GAREM1: variants seen among roughly 807,000 people sequenced by gnomAD.
GAREM1 encodes the protein GRB2 associated regulator of MAPK1 subtype 1.
GAREM1 carries 26 observed loss-of-function variants against 71.3 expected under a neutral mutation model. The ratio of observed to expected loss-of-function variants is 0.36; its 90% CI spans 0.27 to 0.51. The LOEUF is 0.51. GAREM1 is among the 20% of genes least tolerant of loss of function. GAREM1 has a pLI of 0.95. For synonymous variants in GAREM1, 440 were observed against 433.2 expected, an observed-to-expected ratio of 1.02 and a Z score of -0.20; for missense variants, 1,026 against 1,103.1, an observed-to-expected ratio of 0.93 and a Z score of 0.99.
intron 3 of GAREM1, among the ~76,000 whole-genome samples, chr18:32,291,650 C>T (rs2047088511): frequency 1.3e-5 from 2 of 151,990 alleles, no homozygotes; most frequent in South Asian, 4.2e-4. Flanking sequence ...CCCTTAGCCC[C>T]CCACCCCCCA....
intron 1 of GAREM1, among the ~76,000 whole-genome samples, chr18:32,464,635 C>A (rs1356833524): frequency 6.6e-6 from 1 of 152,150 alleles, no homozygotes; most frequent in Non-Finnish European, 1.5e-5. Context: ...GATCAATAAC[C>A]TGGAATACTC....
At chr18:32,286,743 C>T (rs555897643) in intron 4 of GAREM1, among the ~76,000 whole-genome samples, 1 of 152,288 alleles carries the variant, frequency 6.6e-6, no homozygotes, top group African/African-American at 2.4e-5. Context: ...CTCTGCTTCC[C>T]ACCTTCTACT....
chr18:32,465,387 TC>T (rs1428105012), intron 1 of GAREM1, among the ~76,000 whole-genome samples: 8 of 152,264 alleles, frequency 5.3e-5, no homozygotes, highest in African/African-American at 1.9e-4. Flanking sequence ...GGCCTAAGTG[TC>T]CATGTTTTTG....
intron 4 of GAREM1, among the ~76,000 whole-genome samples, chr18:32,274,980 A>G (rs1026448731): frequency 6.6e-6 from 1 of 152,134 alleles, no homozygotes; most frequent in African/African-American, 2.4e-5. Flanking sequence ...AAGGCACTTA[A>G]AAAAACCCAT....
intron 2 of GAREM1, among the ~76,000 whole-genome samples, chr18:32,372,979 T>G (rs570322907): frequency 6.6e-6 from 1 of 152,306 alleles, no homozygotes; most frequent in South Asian, 2.1e-4. Context: ...CTCTCACTGC[T>G]TAAGCTAATT....
chr18:32,362,763 C>T (rs921330048), intron 2 of GAREM1, among the ~76,000 whole-genome samples: 5 of 152,108 alleles, frequency 3.3e-5, no homozygotes, highest in Admixed American at 2.6e-4. Flanking sequence ...CATAACAAGA[C>T]GTGGATACTA....
chr18:32,343,017 A>G (rs2144578303), intron 2 of GAREM1, among the ~76,000 whole-genome samples: 1 of 152,346 alleles, frequency 6.6e-6, no homozygotes, highest in East Asian at 1.9e-4. Flanking sequence ...CATGTCTGAC[A>G]GTCAGTCTCC....
At chr18:32,283,928 A>C (rs1355037358) in intron 4 of GAREM1, among the ~76,000 whole-genome samples, 1 of 152,178 alleles carries the variant, frequency 6.6e-6, no homozygotes, top group Non-Finnish European at 1.5e-5. Flanking sequence ...GCTAATATCT[A>C]GCTGGTGAAC....
intron 1 of GAREM1, among the ~76,000 whole-genome samples, chr18:32,463,789 T>C (rs1306602362): frequency 6.6e-6 from 1 of 151,810 alleles, no homozygotes; most frequent in African/African-American, 2.4e-5. Context: ...CTGGATGATC[T>C]TGATCTCCTG....
At chr18:32,461,034 A>G (rs2048950327) in intron 1 of GAREM1, among the ~76,000 whole-genome samples, 1 of 152,210 alleles carries the variant, frequency 6.6e-6, no homozygotes, top group African/African-American at 2.4e-5. Context: ...AAATCATGAT[A>G]GTCTCTGTTT....
chr18:32,345,174 T>C (rs1164223567), intron 2 of GAREM1, among the ~76,000 whole-genome samples: 1 of 152,150 alleles, frequency 6.6e-6, no homozygotes, highest in Non-Finnish European at 1.5e-5. Context: ...AATACAGGCA[T>C]AGTACAGTTA....
chr18:32,275,486 G>A (rs1224709769), intron 4 of GAREM1, among the ~76,000 whole-genome samples: 2 of 152,164 alleles, frequency 1.3e-5, no homozygotes, highest in African/African-American at 4.8e-5. Context: ...TTAATTTCAG[G>A]TTATGAGTAC....
At chr18:32,323,078 C>A (rs1031492866) in intron 2 of GAREM1, among the ~76,000 whole-genome samples, 1 of 152,168 alleles carries the variant, frequency 6.6e-6, no homozygotes, top group South Asian at 2.1e-4. Context: ...AAATGATGAC[C>A]TCATAGCTCC....
chr18:32,370,450 A>T (rs1384902190), intron 2 of GAREM1, among the ~76,000 whole-genome samples: 1 of 151,616 alleles, frequency 6.6e-6, no homozygotes, highest in East Asian at 1.9e-4. Flanking sequence ...CGTAAGGTGA[A>T]TTTTTACCAT....
intron 4 of GAREM1, among the ~76,000 whole-genome samples, chr18:32,270,906 T>G (rs1485708557): frequency 1.4e-5 from 2 of 142,414 alleles, no homozygotes. Flanking sequence ...TGTTTTTTTT[T>G]TTTTTTTTTT....
At chr18:32,281,415 A>G (rs1014404045) in intron 4 of GAREM1, among the ~76,000 whole-genome samples, 3 of 152,192 alleles carry the variant, frequency 2.0e-5, no homozygotes, top group Non-Finnish European at 4.4e-5. Flanking sequence ...GTGCTTCATT[A>G]AAGAAACTTT....
At chr18:32,365,686 C>A (rs1007209788) in intron 2 of GAREM1, among the ~76,000 whole-genome samples, 1 of 152,286 alleles carries the variant, frequency 6.6e-6, no homozygotes, top group South Asian at 2.1e-4. Flanking sequence ...CTGCTTCACA[C>A]TCCCACTACT....
chr18:32,456,981 G>T (rs1179089947), intron 1 of GAREM1, among the ~76,000 whole-genome samples: 1 of 152,106 alleles, frequency 6.6e-6, no homozygotes, highest in East Asian at 1.9e-4. Flanking sequence ...GCATGTCTCT[G>T]TATGTATATG....
chr18:32,387,033 TTA>T (rs1250864545), intron 2 of GAREM1, among the ~76,000 whole-genome samples: 102 of 108,386 alleles, frequency 9.4e-4, no homozygotes, highest in African/African-American at 3.4e-3. Context: ...CTTTTTTTTT[TTA>T]AAAAAAAATC....
Sources: allele counts gnomAD v4.1 joint callset (sites outside exome capture counted in the v4.1 genomes callset), GRCh38; gene constraint gnomAD v4.1.1; transcripts MANE v1.5; gene names NCBI Gene and HGNC (gene_info 2026-07-23, HGNC 2026-07-21).